VWDE: variants seen among roughly 807,000 people sequenced by gnomAD.
VWDE encodes the protein von Willebrand factor D and EGF domain-containing protein.
In VWDE, 207 loss-of-function variants were observed where a neutral mutation model predicts 178.4. That is an observed-to-expected ratio of 1.16 (90% CI 1.04 to 1.30). The LOEUF (loss-of-function observed/expected upper bound fraction) is 1.30. Ranked by LOEUF, VWDE falls within the 50% of genes most tolerant of loss-of-function variation. VWDE has a pLI of 0.00. For synonymous variants in VWDE, 738 were observed against 651.4 expected (o/e 1.13, Z -2.02); for missense variants, 2,287 against 1,901.3 (o/e 1.20, Z -3.77).
At chr7:12,361,041 A>T in intron 15 of VWDE, 106 bp downstream of exon 15, 1 of 636,564 alleles carries the variant, frequency 1.6e-6, no homozygotes, top group Non-Finnish European at 2.5e-6. Context: ...TTTCTCTATT[A>T]GTTTTTCTGG....
intron 2 of VWDE, among the ~76,000 whole-genome samples, chr7:12,390,126 C>G (rs1413343501): frequency 6.7e-6 from 1 of 150,136 alleles, no homozygotes; most frequent in Non-Finnish European, 1.5e-5. Context: ...GATCGCACCA[C>G]TGCACTCCAG....
intron 1 of VWDE, among the ~76,000 whole-genome samples, chr7:12,400,369 G>T (rs1784841741): frequency 6.6e-6 from 1 of 152,042 alleles, no homozygotes; most frequent in Non-Finnish European, 1.5e-5. Context: ...ATGACAAGAA[G>T]CAGGAATGAA....
chr7:12,361,832 A>G (rs947805344), intron 13 of VWDE, among the ~76,000 whole-genome samples: 4 of 152,056 alleles, frequency 2.6e-5, no homozygotes, highest in Middle Eastern at 3.2e-3. Context: ...ACACTTGACT[A>G]TATAGATGAC....
At chr7:12,353,011 A>C (rs766364501) in intron 18 of VWDE, among the ~76,000 whole-genome samples, 1 of 152,042 alleles carries the variant, frequency 6.6e-6, no homozygotes, top group Non-Finnish European at 1.5e-5. Context: ...TTCCATAGTA[A>C]CCCTAGTTTC....
chr7:12,367,969 T>G (rs1782954772), intron 12 of VWDE, among the ~76,000 whole-genome samples: 1 of 151,944 alleles, frequency 6.6e-6, no homozygotes, highest in Admixed American at 6.6e-5. Flanking sequence ...TGTGTAAAAA[T>G]TATTAAACCC....
chr7:12,382,973 T>G (rs1314251821), intron 4 of VWDE, among the ~76,000 whole-genome samples: 1 of 151,884 alleles, frequency 6.6e-6, no homozygotes, highest in Non-Finnish European at 1.5e-5. Context: ...ATCATTGATG[T>G]TTGTCTTTCA....
chr7:12,337,078 A>G lies in VWDE; in HGVS notation c.4468T>C (p.Cys1490Arg). The change falls in exon 26 of 29, where the codon TGT (cysteine) becomes CGT (arginine). Residue 1490 changes from cysteine to arginine, a missense_variant. By Grantham distance (180) the Cys-to-Arg change is radical (BLOSUM62 -3). Coordinates refer to ENST00000275358, the MANE Select transcript of VWDE (RefSeq NM_001135924.3). Reference protein sequence around the residue: ...YTGRRFQKSICDPTCMNGGKC... With the variant: ...YTGRRFQKSIRDPTCMNGGKC... ...CCTCCATTCATGCACGTAGGATCAC[A>G]GATGCCTTAAGGTAAAAGCATGAAA... The G allele has an allele frequency of 6.4e-7, 1 of 1,551,618 alleles. No individual in the cohort carries two copies. The highest frequency in any genetic ancestry group is 8.7e-7 in the Non-Finnish European group (1 of 1,146,928).
At chr7:12,377,714 A>AG in intron 7 of VWDE, 62 bp downstream of exon 7, 2 of 1,126,260 alleles carry the variant, frequency 1.8e-6, no homozygotes, top group Non-Finnish European at 2.4e-6. Flanking sequence ...CTTTTCCTAC[A>AG]GGAAAAAAAA....
Position 12,367,456 on chromosome 7 carries a change from T to G in VWDE, c.2799A>C (p.Gly933=), listed in dbSNP as rs762362033. The G allele has an allele frequency of 2.6e-6, 4 of 1,542,166 alleles. No individual in the cohort carries two copies. Among genetic ancestry groups the G allele is most frequent in the Non-Finnish European group, 3.5e-6 (4 of 1,142,190 alleles). Residue 933 remains glycine (G), a synonymous_variant, in exon 13 of 29, where the codon GGA becomes GGC. Coordinates refer to ENST00000275358, the MANE Select transcript of VWDE (RefSeq NM_001135924.3). ...AATTATATTTTTGAACATCACAGAA[T>G]CCAGCATTCCCAAGCTCTGTAATTT... ...APEITELGNA[G]FCDVQKYNCM...
At chr7:12,386,522 CCCT>C (rs566096393) in intron 3 of VWDE, among the ~76,000 whole-genome samples, 2 of 152,154 alleles carry the variant, frequency 1.3e-5, no homozygotes, top group Non-Finnish European at 2.9e-5. Flanking sequence ...GTTATGTTCT[CCCT>C]CACTCATTGA....
chr7:12,344,579 T>G lies in VWDE; in HGVS notation c.3887-110A>C, dbSNP rs73294384. The G allele has an allele frequency of 4.8e-3, 3,728 of 772,836 alleles. 93 individuals carry two copies. In the African/African-American group the frequency reaches 0.059, roughly 12 times the overall value. The allele number at this position is 772,836 out of a possible 1,614,324, so 47.9% of individuals were successfully genotyped here. A position where few individuals can be genotyped will look rare whatever the true frequency, so the allele number is the denominator to read the frequency against. On this transcript the variant is annotated intron_variant, in intron 19 of 28. Transcript: ENST00000275358. Reference sequence around the variant, plus strand: ...AGTCTCTGAAGTTTGAATAGTTAACTAATAGTCCCTCTAGATAATACTGAG... The same window carrying G: ...AGTCTCTGAAGTTTGAATAGTTAACGAATAGTCCCTCTAGATAATACTGAG...
In VWDE at chr7:12,389,177, G is replaced by A. The variant is rs848016; in HGVS notation, c.425C>T (p.Ser142Phe). ...PVSVRNCGNF[S>F]VYLLQPTQGC... ...CTGAGTTGGTTGTAGTAAGTATACA[G>A]AAAAGTTCCCACAGTTTCTTACAGA... The change falls in exon 3 of 29, where the codon TCT (serine) becomes TTT (phenylalanine). Residue 142 changes from serine to phenylalanine, a missense_variant. Coordinates refer to ENST00000275358, the MANE Select transcript of VWDE (RefSeq NM_001135924.3). 885,485 of 1,551,010 alleles carry A rather than the reference G, an allele frequency of 0.57. 258,123 individuals are homozygous for A. Among genetic ancestry groups the A allele is most frequent in the African/African-American group, 0.89 (65,230 of 73,134 alleles).
At chr7:12,377,976 C>T in intron 6 of VWDE, 56 bp from the exon 7 acceptor site, 3 of 1,295,990 alleles carry the variant, frequency 2.3e-6, no homozygotes, top group Non-Finnish European at 3.0e-6. Flanking sequence ...ATTTCTAAGG[C>T]ACAGTTTTGA....
Position 12,331,129 on chromosome 7 carries a change from C to G in VWDE, c.*54G>C. 6.8e-7 allele frequency: 1 copy of G among 1,471,560 alleles called. No individual in the cohort carries two copies. The highest frequency in any genetic ancestry group is 9.1e-7 in the Non-Finnish European group (1 of 1,094,950). The allele number at this position is 1,471,560 out of a possible 1,614,324, so 91.2% of individuals were successfully genotyped here. On this transcript the variant is annotated 3_prime_UTR_variant, in exon 29 of 29. Coordinates refer to ENST00000275358, the MANE Select transcript of VWDE (RefSeq NM_001135924.3). The stretch of plus-strand genomic sequence containing the variant: ...CAAGTTATCTCCAACTTTTTCTGAA[C>G]AAAATATTTCCATTCTTAAGATACA...
intron 8 of VWDE, 116 bp downstream of exon 8, chr7:12,374,894 T>C: frequency 2.5e-6 from 3 of 1,206,966 alleles, no homozygotes; most frequent in Non-Finnish European, 2.3e-6. Flanking sequence ...AATTGAATCA[T>C]TTAAAAACTA....
chr7:12,337,262 G>C lies in VWDE; in HGVS notation c.4377C>G (p.His1459Gln). Residue 1459 changes from histidine (H) to glutamine (Q), a missense_variant, in exon 25 of 29, where the codon CAC (histidine) becomes CAG (glutamine). His to Gln is a conservative substitution (Grantham distance 24). Coordinates refer to ENST00000275358, the MANE Select transcript of VWDE (RefSeq NM_001135924.3). ...FGEHCQNAFC[H>Q]PPCKNGGHCM... ...AGTGGCCACCATTCTTACAGGGAGG[G>C]TGACAGAAAGCTAAAAGAACACATG... The C allele has an allele frequency of 6.4e-7, 1 of 1,551,796 alleles. No homozygotes were observed. The highest frequency in any genetic ancestry group is 8.7e-7 in the Non-Finnish European group (1 of 1,146,964).
At chr7:12,347,459 T>G (rs1396453888) in intron 19 of VWDE, among the ~76,000 whole-genome samples, 1 of 152,034 alleles carries the variant, frequency 6.6e-6, no homozygotes, top group African/African-American at 2.4e-5. Flanking sequence ...ACAAGAATCA[T>G]GAGAAGATAT....
rs544520265 is a variant in VWDE at position 12,356,453 on chromosome 7, T to C, written c.3526-123A>G. ...GTATGACCAAATCACTTATATTTGATATATATACACACACACACAAATGTA... is the reference window on the plus strand; with the variant it reads ...GTATGACCAAATCACTTATATTTGACATATATACACACACACACAAATGTA... On this transcript the variant is annotated intron_variant, in intron 17 of 28. Coordinates refer to ENST00000275358, the MANE Select transcript of VWDE (RefSeq NM_001135924.3). 29 of 665,036 alleles carry C rather than the reference T, an allele frequency of 4.4e-5. No individual in the cohort carries two copies. In the Admixed American group the frequency reaches 7.1e-4, roughly 16 times the overall value. 41.2% of individuals were successfully genotyped at this position (665,036 alleles called of 1,614,324 possible).
intron 27 of VWDE, among the ~76,000 whole-genome samples, chr7:12,334,332 C>T (rs992948157): frequency 1.1e-4 from 17 of 151,994 alleles, no homozygotes; most frequent in Non-Finnish European, 2.2e-4. Context: ...TGAAAATGAG[C>T]GTACCACAAA....
Sources: allele counts gnomAD v4.1 joint callset (sites outside exome capture counted in the v4.1 genomes callset), GRCh38; gene constraint gnomAD v4.1.1; transcripts MANE v1.5; gene names NCBI Gene and HGNC (gene_info 2026-07-23, HGNC 2026-07-21).